MAGI2: variants seen among roughly 807,000 people sequenced by gnomAD.
MAGI2 encodes membrane associated guanylate kinase, WW and PDZ domain containing 2.
A neutral mutation model predicts 133.3 loss-of-function variants in MAGI2; 35 were observed. The ratio of observed to expected loss-of-function variants is 0.26; its 90% CI spans 0.20 to 0.35. The LOEUF is 0.35. Ranked by LOEUF, MAGI2 falls within the 10% of genes least tolerant of loss-of-function variation. The pLI, the probability that MAGI2 is intolerant of heterozygous loss-of-function variation, is 1.00. For missense variants in MAGI2, 1,636 were observed against 1,863.4 expected, an observed-to-expected ratio of 0.88 and a Z score of 2.25; for synonymous variants, 729 against 710.6, an observed-to-expected ratio of 1.03 and a Z score of -0.41.
chr7:78,462,188 T>C (rs1328213110), intron 6 of MAGI2, among the ~76,000 whole-genome samples: 2 of 152,162 alleles, frequency 1.3e-5, no homozygotes, highest in African/African-American at 4.8e-5. Context: ...ATTCTTCATC[T>C]TCTCTCACAA....
chr7:78,692,591 C>G (rs1817082536), intron 2 of MAGI2, among the ~76,000 whole-genome samples: 1 of 152,136 alleles, frequency 6.6e-6, no homozygotes, highest in Non-Finnish European at 1.5e-5. Context: ...ATAACCAGGT[C>G]ATTAATTTTC....
At chr7:78,815,962 G>T (rs1789540558) in intron 2 of MAGI2, among the ~76,000 whole-genome samples, 1 of 152,158 alleles carries the variant, frequency 6.6e-6, no homozygotes, top group Admixed American at 6.5e-5. Context: ...AGTGAGGAAG[G>T]CATGTTGAAA....
At chr7:79,197,743 C>G (rs1828212586) in intron 1 of MAGI2, among the ~76,000 whole-genome samples, 1 of 151,992 alleles carries the variant, frequency 6.6e-6, no homozygotes, top group South Asian at 2.1e-4. Flanking sequence ...GTACCGACTC[C>G]ATGTCTGGTA....
chr7:78,184,580 G>T (rs758128115), intron 13 of MAGI2: 2 of 152,154 alleles, frequency 1.3e-5, no homozygotes, highest in South Asian at 4.1e-4. Context: ...ACTATTTTCC[G>T]CAATTGTTTG....
intron 1 of MAGI2, among the ~76,000 whole-genome samples, chr7:79,113,463 G>T (rs532814396): frequency 6.6e-6 from 1 of 152,276 alleles, no homozygotes; most frequent in East Asian, 1.9e-4. Flanking sequence ...AGACCAGAAG[G>T]CAACACAACT....
At chr7:78,429,570 T>C (rs1399657356) in intron 6 of MAGI2, among the ~76,000 whole-genome samples, 4 of 152,140 alleles carry the variant, frequency 2.6e-5, no homozygotes, top group South Asian at 2.1e-4. Context: ...TTTAAAAAGA[T>C]AGAATAAATA....
chr7:78,387,795 A>G (rs962817981), intron 6 of MAGI2, among the ~76,000 whole-genome samples: 2 of 151,972 alleles, frequency 1.3e-5, no homozygotes, highest in African/African-American at 4.8e-5. Flanking sequence ...GTGTGATGGC[A>G]CGCGCCTGTA....
intron 3 of MAGI2, among the ~76,000 whole-genome samples, chr7:78,602,117 C>A (rs986562305): frequency 6.6e-6 from 1 of 152,172 alleles, no homozygotes; most frequent in African/African-American, 2.4e-5. Context: ...CTTTCACTCT[C>A]TCTTCTCCAT....
At chr7:78,531,188 T>C (rs1797436325) in intron 3 of MAGI2, among the ~76,000 whole-genome samples, 1 of 151,954 alleles carries the variant, frequency 6.6e-6, no homozygotes, top group Admixed American at 6.6e-5. Flanking sequence ...CTTTTGCAAT[T>C]GTGTTATTAA....
intron 2 of MAGI2, among the ~76,000 whole-genome samples, chr7:78,666,340 A>G (rs1210505418): frequency 6.6e-6 from 1 of 152,310 alleles, no homozygotes; most frequent in East Asian, 1.9e-4. Flanking sequence ...AAGTAAGACT[A>G]GAACTGTGTA....
In MAGI2 at chr7:79,282,915, C is replaced by T. The variant is rs569715398; in HGVS notation, c.301+170105G>A. Reference sequence around the variant, plus strand: ...TAATTTTTTGATATATAACACTTTACAAATGTAGATCTAAAGCTGGGAAGG... The same window carrying T: ...TAATTTTTTGATATATAACACTTTATAAATGTAGATCTAAAGCTGGGAAGG... On this transcript the variant is annotated intron_variant, in intron 1 of 21. Coordinates refer to ENST00000354212, the MANE Select transcript of MAGI2 (RefSeq NM_012301.4). Among the ~76,000 whole-genome samples the T allele has an allele frequency of 2.2e-5, 3 of 138,306 alleles. No individual in the cohort carries two copies. The East Asian group carries it at 6.2e-4, about 29-fold the overall frequency. 90.7% of individuals were successfully genotyped at this position (138,306 alleles called of 152,430 possible).
intron 2 of MAGI2, among the ~76,000 whole-genome samples, chr7:78,872,838 A>G (rs1425106050): frequency 6.6e-6 from 1 of 152,188 alleles, no homozygotes; most frequent in African/African-American, 2.4e-5. Context: ...GAATAACCAT[A>G]TATGAAATAT....
At chr7:78,464,785 A>G (rs1790446406) in intron 6 of MAGI2, among the ~76,000 whole-genome samples, 1 of 151,338 alleles carries the variant, frequency 6.6e-6, no homozygotes, top group South Asian at 2.1e-4. Context: ...TTCGTTAAGC[A>G]GGGATAGTCA....
chr7:78,432,579 A>T (rs547997596), intron 6 of MAGI2, among the ~76,000 whole-genome samples: 1 of 152,224 alleles, frequency 6.6e-6, no homozygotes, highest in East Asian at 1.9e-4. Context: ...AGAACATATT[A>T]GTATTTTGTA....
intron 2 of MAGI2, among the ~76,000 whole-genome samples, chr7:78,663,795 T>C (rs971629777): frequency 2.6e-5 from 4 of 152,226 alleles, no homozygotes; most frequent in African/African-American, 9.6e-5. Context: ...CCAAGAGTTA[T>C]ATAAATGTGG....
At chr7:79,402,838 A>T (rs1215054489) in intron 1 of MAGI2, among the ~76,000 whole-genome samples, 1 of 152,114 alleles carries the variant, frequency 6.6e-6, no homozygotes, top group Non-Finnish European at 1.5e-5. Context: ...AGTACTCTAT[A>T]AATTCCATAA....
At chr7:78,866,139 A>G (rs925880564) in intron 2 of MAGI2, among the ~76,000 whole-genome samples, 18 of 152,202 alleles carry the variant, frequency 1.2e-4, no homozygotes, top group African/African-American at 4.3e-4. Context: ...CTGCTGAAAA[A>G]CAGAGAAATT....
chr7:79,279,347 A>T (rs921291857), intron 1 of MAGI2, among the ~76,000 whole-genome samples: 1 of 151,910 alleles, frequency 6.6e-6, no homozygotes, highest in Admixed American at 6.6e-5. Flanking sequence ...TGCCTTCCTG[A>T]TTTTTATCCA....
chr7:79,017,363 G>C (rs1249664676), intron 1 of MAGI2, among the ~76,000 whole-genome samples: 1 of 152,142 alleles, frequency 6.6e-6, no homozygotes, highest in Non-Finnish European at 1.5e-5. Flanking sequence ...AATGAAACCA[G>C]TCAACTGAAC....
Sources: allele counts gnomAD v4.1 joint callset (sites outside exome capture counted in the v4.1 genomes callset), GRCh38; gene constraint gnomAD v4.1.1; transcripts MANE v1.5; gene names NCBI Gene and HGNC (gene_info 2026-07-23, HGNC 2026-07-21).